SYNE3: variants seen among roughly 807,000 people sequenced by gnomAD.
SYNE3 encodes the protein nesprin-3.
Under a neutral mutation model 111.2 loss-of-function variants are expected in SYNE3, and 100 were observed. The observed-to-expected ratio is 0.90, with a 90% CI of 0.77 to 1.06. The LOEUF is 1.06. Among genes scored for constraint, SYNE3 ranks in the 50% least tolerant of loss-of-function variants. SYNE3 has a pLI of 0.00. For synonymous variants in SYNE3, 547 were observed against 533.9 expected, an observed-to-expected ratio of 1.02 and a Z score of -0.34; for missense variants, 1,160 against 1,240.3, an observed-to-expected ratio of 0.94 and a Z score of 0.97.
chr14:95,473,498 T>C (rs1888661245), intron 2 of SYNE3, among the ~76,000 whole-genome samples: 1 of 151,954 alleles, frequency 6.6e-6, no homozygotes, highest in South Asian at 2.1e-4. Context: ...CAGGAGGGTT[T>C]CATTTCTTGT....
At chr14:95,449,369 A>G in intron 8 of SYNE3, 1 of 958,500 alleles carries the variant, frequency 1.0e-6, no homozygotes, top group Non-Finnish European at 1.2e-6. Flanking sequence ...GGAAGATTTG[A>G]AAGGCGGAAG....
rs181673228 is a variant in SYNE3 at position 95,419,077 on chromosome 14, A to G, written c.2728-1051T>C. Among the ~76,000 whole-genome samples the G allele has an allele frequency of 2.5e-3, 377 of 152,336 alleles. 3 individuals carry two copies. Among genetic ancestry groups the G allele is most frequent in the African/African-American group, 8.7e-3 (363 of 41,564 alleles). On this transcript the variant is annotated intron_variant, in intron 17 of 17. Coordinates refer to ENST00000682763, the MANE Select transcript of SYNE3 (RefSeq NM_152592.6). ...TGCTACAATGTCCCTGAAAGTGGCCAAGAAAACATTTCCTAAGTTCTGGAG... is the reference window on the plus strand; with the variant it reads ...TGCTACAATGTCCCTGAAAGTGGCCGAGAAAACATTTCCTAAGTTCTGGAG...
Position 95,446,083 on chromosome 14 carries a change from C to G in SYNE3, c.1458G>C (p.Leu486=), listed in dbSNP as rs762694667. 28 of 1,613,922 alleles carry G rather than the reference C, an allele frequency of 1.7e-5. No homozygotes were observed. Among genetic ancestry groups the G allele is most frequent in the Non-Finnish European group, 1.9e-5 (23 of 1,180,030 alleles). ...HTFLPQIEAA[L]MESSRLKELL... is the part of the protein sequence containing the mutation. Reference sequence around the variant, plus strand: ...GCTCTTTCAGGCGGGAGCTTTCCATCAGGGCTGCCTGTGGGAGACAAGGCT... The same window carrying G: ...GCTCTTTCAGGCGGGAGCTTTCCATGAGGGCTGCCTGTGGGAGACAAGGCT... Residue 486 remains leucine (L), a synonymous_variant, in exon 9 of 18, where the codon CTG becomes CTC. Transcript: ENST00000682763.
At chr14:95,431,826 C>T (rs1566958684) in intron 17 of SYNE3, among the ~76,000 whole-genome samples, 1 of 152,200 alleles carries the variant, frequency 6.6e-6, no homozygotes, top group Non-Finnish European at 1.5e-5. Context: ...TCCAAGATCC[C>T]CTCTCTGCTA....
intron 1 of SYNE3, among the ~76,000 whole-genome samples, chr14:95,496,388 T>C (rs1890092664): frequency 1.3e-5 from 2 of 152,242 alleles, no homozygotes; most frequent in Non-Finnish European, 1.5e-5. Context: ...CTCTCTAACA[T>C]GGCATTTCTT....
At position 95,486,896 on chromosome 14, in the gene SYNE3, A is replaced by G. The variant is rs185623622; in HGVS notation, c.-14-11061T>C. ...GTGAGGGACCCCAGCCTGAAGGATA[A>G]AGTCAGTGTTCCTTGGACCCTCAAG... On this transcript the variant is annotated intron_variant, in intron 1 of 17. Coordinates refer to ENST00000682763, the MANE Select transcript of SYNE3 (RefSeq NM_152592.6). Among the ~76,000 whole-genome samples the G allele has an allele frequency of 4.2e-3, 639 of 152,266 alleles. 4 individuals are homozygous for G. The highest frequency in any genetic ancestry group is 0.014 in the African/African-American group (600 of 41,540).
intron 2 of SYNE3, among the ~76,000 whole-genome samples, chr14:95,469,825 T>C (rs995488084): frequency 2.3e-4 from 35 of 152,244 alleles, no homozygotes; most frequent in Non-Finnish European, 4.1e-4. Context: ...TTCCCCAATG[T>C]GTGCAAATGG....
intron 1 of SYNE3, among the ~76,000 whole-genome samples, chr14:95,496,750 A>G (rs958600553): frequency 6.6e-6 from 1 of 152,182 alleles, no homozygotes; most frequent in African/African-American, 2.4e-5. Context: ...TTCTTGAACC[A>G]CTTCCTTTTT....
chr14:95,509,040 G>A (rs978441978), intron 1 of SYNE3, among the ~76,000 whole-genome samples: 1 of 152,242 alleles, frequency 6.6e-6, no homozygotes, highest in African/African-American at 2.4e-5. Context: ...TGGGCTGGGA[G>A]CAGGGATGTG....
chr14:95,462,665 C>T (rs1887905899), intron 4 of SYNE3, among the ~76,000 whole-genome samples: 1 of 152,232 alleles, frequency 6.6e-6, no homozygotes. Context: ...TCTTCAGCAG[C>T]TCAAACCTGC....
At chr14:95,499,133 C>A (rs1481022973) in intron 1 of SYNE3, among the ~76,000 whole-genome samples, 1 of 152,172 alleles carries the variant, frequency 6.6e-6, no homozygotes, top group African/African-American at 2.4e-5. Context: ...AGAGCCAAAT[C>A]CTTTCCTGGA....
rs562272585 is a variant in SYNE3, at chr14:95,496,190, A to T, written c.-14-20355T>A. Among the ~76,000 whole-genome samples the T allele has an allele frequency of 2.6e-5, 4 of 152,328 alleles. No homozygotes were observed. In the South Asian group the frequency reaches 8.3e-4, roughly 32 times the overall value. On this transcript the variant is annotated intron_variant, in intron 1 of 17. Coordinates refer to ENST00000682763, the MANE Select transcript of SYNE3 (RefSeq NM_152592.6). ...GCTTGGGAGATGCTTAATTCACTTA[A>T]TGACAAATCCTTCAAAGCCTATGCC...
chr14:95,502,928 ACAGT>A lies in SYNE3; in HGVS notation c.-15+13664_-15+13667del, dbSNP rs1198255764. On this transcript the variant is annotated intron_variant, in intron 1 of 17. Coordinates refer to ENST00000682763, the MANE Select transcript of SYNE3 (RefSeq NM_152592.6). The stretch of plus-strand genomic sequence containing the variant: ...TTTCCACCAAAGACATTCACAGAAA[ACAGT>A]CAGAGTGGTGCCACTCCAAGCTGCT... Among the ~76,000 whole-genome samples the A allele has an allele frequency of 3.9e-5, 6 of 152,330 alleles. No homozygotes were observed. In the South Asian group the frequency reaches 1.0e-3, roughly 26 times the overall value.
intron 1 of SYNE3, among the ~76,000 whole-genome samples, chr14:95,502,929 C>T (rs74083013): frequency 0.058 from 8,874 of 152,206 alleles, 841 homozygotes; most frequent in African/African-American, 0.2. Context: ...TCACAGAAAA[C>T]AGTCAGAGTG....
At position 95,408,856 on chromosome 14, in the gene SYNE3, C is replaced by T. The variant is rs936546903; in HGVS notation, c.*8970G>A. 2.4e-5 allele frequency: 8 copies of T among 336,202 alleles called. No homozygotes were observed. Among genetic ancestry groups the T allele is most frequent in the Non-Finnish European group, 4.7e-5 (8 of 170,048 alleles). The allele number at this position is 336,202 out of a possible 1,614,324, so 20.8% of individuals were successfully genotyped here. On this transcript the variant is annotated 3_prime_UTR_variant, in exon 18 of 18. Coordinates refer to ENST00000682763, the MANE Select transcript of SYNE3 (RefSeq NM_152592.6). ...GCAGGCAGAGACCGCGCAAAGCCAA[C>T]TCTGTCCTCTGCCTGCCCCCGCAAG...
In SYNE3 at chr14:95,416,109, G is replaced by GAAAA. The variant is rs150795890; in HGVS notation, c.*1713_*1716dup. On this transcript the variant is annotated 3_prime_UTR_variant, in exon 18 of 18. Coordinates refer to ENST00000682763, the MANE Select transcript of SYNE3 (RefSeq NM_152592.6). ...TGTAACAAATACAGACGAGTTAAAA[G>GAAAA]AAAAAAAAAAGTACGCTTTCTGAGT... 20 of 149,662 alleles carry GAAAA rather than the reference G, an allele frequency of 1.3e-4. No homozygotes were observed. Among genetic ancestry groups the GAAAA allele is most frequent in the African/African-American group, 4.4e-4 (18 of 40,958 alleles). The allele number at this position is 149,662 out of a possible 1,614,324, so 9.3% of individuals were successfully genotyped here. A position where few individuals can be genotyped will look rare whatever the true frequency, so the allele number is the denominator to read the frequency against.
At chr14:95,430,006 G>GGAAGGAAGGAAGGAAGGAA (rs1389462231) in intron 17 of SYNE3, 16 of 382,952 alleles carry the variant, frequency 4.2e-5, no homozygotes, top group African/African-American at 3.9e-4. Context: ...AAGGAAAGAA[G>GGAAGGAAGGAAGGAAGGAA]GGAGGGAGGG....
chr14:95,455,913 C>T (rs1228223973), intron 5 of SYNE3, 189 bp from the exon 6 acceptor site: 2 of 560,102 alleles, frequency 3.6e-6, no homozygotes, highest in South Asian at 2.7e-5. Context: ...ACCTGAGAAC[C>T]CTATTCCTTC....
chr14:95,418,631 T>C (rs1450270463), intron 17 of SYNE3, among the ~76,000 whole-genome samples: 2 of 151,186 alleles, frequency 1.3e-5, no homozygotes, highest in Non-Finnish European at 2.9e-5. Flanking sequence ...TGAGATGGAG[T>C]CTCGCTCTGT....
Sources: allele counts gnomAD v4.1 joint callset (sites outside exome capture counted in the v4.1 genomes callset), GRCh38; gene constraint gnomAD v4.1.1; transcripts MANE v1.5; gene names NCBI Gene and HGNC (gene_info 2026-07-23, HGNC 2026-07-21).